PTPRO: variants seen among roughly 807,000 people sequenced by gnomAD.
PTPRO encodes the protein receptor-type tyrosine-protein phosphatase O.
Under a neutral mutation model 145.2 loss-of-function variants are expected in PTPRO, and 62 were observed. The ratio of observed to expected loss-of-function variants is 0.43; its 90% confidence interval spans 0.35 to 0.53. The LOEUF is 0.53. PTPRO is among the 20% of genes least tolerant of loss of function. The pLI is 0.01. For synonymous variants in PTPRO, 565 were observed against 514.7 expected (o/e 1.10, Z -1.32); for missense variants, 1,345 against 1,482.7 (o/e 0.91, Z 1.53).
intron 2 of PTPRO, among the ~76,000 whole-genome samples, chr12:15,488,590 A>G (rs1332721951): frequency 6.6e-6 from 1 of 152,210 alleles, no homozygotes; most frequent in Non-Finnish European, 1.5e-5. Flanking sequence ...TGAGAATAAA[A>G]GAGTACCTTT....
At chr12:15,458,725 T>C (rs899979173) in intron 1 of PTPRO, among the ~76,000 whole-genome samples, 1 of 151,952 alleles carries the variant, frequency 6.6e-6, no homozygotes, top group Non-Finnish European at 1.5e-5. Flanking sequence ...TATTTCTTTG[T>C]TGAAATTCTC....
chr12:15,566,261 T>C (rs1030034709), intron 18 of PTPRO, among the ~76,000 whole-genome samples: 4 of 152,150 alleles, frequency 2.6e-5, no homozygotes, highest in Non-Finnish European at 4.4e-5. Context: ...AACTTTCCTT[T>C]ATATAGAGTT....
intron 1 of PTPRO, among the ~76,000 whole-genome samples, chr12:15,347,574 CTT>C (rs1349425882): frequency 6.6e-5 from 10 of 152,212 alleles, no homozygotes; most frequent in Admixed American, 6.5e-4. Context: ...ATTCACCACT[CTT>C]TACCTACCAC....
At chr12:15,485,324 A>G (rs1331259426) in intron 2 of PTPRO, among the ~76,000 whole-genome samples, 2 of 152,182 alleles carry the variant, frequency 1.3e-5, no homozygotes, top group Non-Finnish European at 2.9e-5. Context: ...GAACAGATCT[A>G]CTAGTTGAAT....
intron 10 of PTPRO, among the ~76,000 whole-genome samples, chr12:15,524,010 G>C (rs1942783521): frequency 6.6e-6 from 1 of 151,668 alleles, no homozygotes; most frequent in Non-Finnish European, 1.5e-5. Context: ...TGTTGCACAG[G>C]CTGGTCTTGA....
rs750847902 is a variant in PTPRO at position 15,580,130 on chromosome 12, A to G, written c.2997+15A>G. 45 of 1,596,840 alleles carry G rather than the reference A, an allele frequency of 2.8e-5. No homozygotes were observed. The highest frequency in any genetic ancestry group is 4.3e-6 in the Non-Finnish European group (5 of 1,167,772). ...ACTATATTCCTGTAAGTAGAAAAAA[A>G]AAATCAGGCATCCCAAAGCTAACCA... On this transcript the variant is annotated intron_variant, in intron 21 of 26. Coordinates refer to ENST00000281171, the MANE Select transcript of PTPRO (RefSeq NM_030667.3).
intron 1 of PTPRO, among the ~76,000 whole-genome samples, chr12:15,420,376 C>T: frequency 6.6e-6 from 1 of 151,582 alleles, no homozygotes; most frequent in Non-Finnish European, 1.5e-5. Context: ...TCCACCATTG[C>T]TACCGCCAGT....
chr12:15,401,851 T>A (rs192557647), intron 1 of PTPRO, among the ~76,000 whole-genome samples: 80 of 152,326 alleles, frequency 5.3e-4, no homozygotes, highest in African/African-American at 1.9e-3. Context: ...TAATTAAAAA[T>A]TAATTAAAAT....
chr12:15,360,379 A>G (rs1938135910), intron 1 of PTPRO, among the ~76,000 whole-genome samples: 1 of 152,204 alleles, frequency 6.6e-6, no homozygotes, highest in Non-Finnish European at 1.5e-5. Context: ...TTCAAAGCAT[A>G]TAGTGATACA....
chr12:15,512,106 TG>T lies in PTPRO; in HGVS notation c.1464+3340del, dbSNP rs569629871. ...AAGTTTAAATGGAGCAATGTTTTTT[TG>T]TTTGTTTGTTTTTGGGGGGGTTATT... On this transcript the variant is annotated intron_variant, in intron 7 of 26. Transcript: ENST00000281171. 4.0e-4 allele frequency among the ~76,000 whole-genome samples: 60 copies of T among 151,270 alleles called. 1 individual carries two copies. The highest frequency in any genetic ancestry group is 3.4e-3 in the Middle Eastern group (1 of 294).
In PTPRO at chr12:15,352,485, C is replaced by T. The variant is rs1396591131; in HGVS notation, c.75+29684C>T. ...CTAACACGGTGAAACCCCATCTCTA[C>T]TAAAAAATACAAAGAATTAGCCGGG... On this transcript the variant is annotated intron_variant, in intron 1 of 26. Coordinates refer to ENST00000281171, the MANE Select transcript of PTPRO (RefSeq NM_030667.3). Among the ~76,000 whole-genome samples, 24 of 151,788 alleles carry T rather than the reference C, an allele frequency of 1.6e-4. 1 individual carries two copies. Among genetic ancestry groups the T allele is most frequent in the Admixed American group, 1.6e-3 (24 of 15,232 alleles).
chr12:15,324,608 A>G (rs1484083922), intron 1 of PTPRO, among the ~76,000 whole-genome samples: 6 of 152,192 alleles, frequency 3.9e-5, no homozygotes, highest in Non-Finnish European at 1.5e-5. Context: ...TTAAATAATA[A>G]TTATTGTAGT....
intron 1 of PTPRO, among the ~76,000 whole-genome samples, chr12:15,390,776 G>GGGTAAGAGATGGTCTGAGAT (rs1939168530): frequency 6.6e-6 from 1 of 151,788 alleles, no homozygotes; most frequent in South Asian, 2.1e-4. Context: ...TGGTCTGAGA[G>GGGTAAGAGATGGTCTGAGAT]GATAAGAAAT....
At chr12:15,459,323 G>C (rs549934799) in intron 1 of PTPRO, among the ~76,000 whole-genome samples, 2 of 152,236 alleles carry the variant, frequency 1.3e-5, no homozygotes, top group South Asian at 4.2e-4. Context: ...CAGGTGTCTG[G>C]AAAATTGCTG....
Position 15,337,394 on chromosome 12 carries a change from T to C in PTPRO, c.75+14593T>C, listed in dbSNP as rs1591712084. The C allele has an allele frequency of 2.0e-5, 3 of 152,154 alleles. No individual in the cohort carries two copies. In the South Asian group the frequency reaches 6.2e-4, roughly 32 times the overall value. The allele number at this position is 152,154 out of a possible 1,614,324, so 9.4% of individuals were successfully genotyped here. ...ATACCAACCGGAACACTTCCGAGAGTGAAGGGATCCTTATGCCAGGACAGA... is the reference window on the plus strand; with the variant it reads ...ATACCAACCGGAACACTTCCGAGAGCGAAGGGATCCTTATGCCAGGACAGA... On this transcript the variant is annotated intron_variant, in intron 1 of 26. Coordinates refer to ENST00000281171, the MANE Select transcript of PTPRO (RefSeq NM_030667.3).
intron 6 of PTPRO, among the ~76,000 whole-genome samples, chr12:15,507,450 TAAGG>T (rs1237815514): frequency 2.0e-5 from 3 of 148,182 alleles, no homozygotes; most frequent in Non-Finnish European, 3.0e-5. Flanking sequence ...AATAAATAAA[TAAGG>T]AATGAAATAC....
intron 1 of PTPRO, among the ~76,000 whole-genome samples, chr12:15,427,885 T>C (rs1309074147): frequency 1.3e-5 from 2 of 152,168 alleles, no homozygotes; most frequent in Non-Finnish European, 2.9e-5. Flanking sequence ...CTTTCTCCTT[T>C]TACATAAGCA....
chr12:15,447,479 A>G (rs1163582777), intron 1 of PTPRO, among the ~76,000 whole-genome samples: 5 of 152,140 alleles, frequency 3.3e-5, no homozygotes, highest in Admixed American at 3.3e-4. Context: ...CACTAATTTC[A>G]CTTGATCTCC....
chr12:15,329,936 T>C (rs1866558357), intron 1 of PTPRO, among the ~76,000 whole-genome samples: 1 of 152,202 alleles, frequency 6.6e-6, no homozygotes, highest in Non-Finnish European at 1.5e-5. Flanking sequence ...CAGAGAAAAC[T>C]GCACGAGCAA....
Sources: gnomAD v4.1 joint callset for allele counts (sites outside exome capture counted in the v4.1 genomes callset) on GRCh38, gnomAD v4.1.1 for gene constraint, MANE v1.5 for transcripts, NCBI Gene and HGNC (gene_info 2026-07-23, HGNC 2026-07-21) for gene names.